Variants in WLS observed in about 807,000 individuals in gnomAD.
The protein encoded by WLS is Wnt ligand secretion mediator, also known as protein wntless homolog.
WLS carries 23 observed loss-of-function variants against 62.8 expected under a neutral mutation model. The ratio of observed to expected loss-of-function variants is 0.37; its 90% CI spans 0.26 to 0.52. WLS has a LOEUF of 0.52. Ranked by LOEUF, WLS falls within the 20% of genes least tolerant of loss-of-function variation. The pLI is 0.92. For synonymous variants in WLS, 246 were observed against 244.1 expected (o/e 1.01, Z -0.07); for missense variants, 615 against 697.3 (o/e 0.88, Z 1.33).
At chr1:68,197,043 T>C (rs551291328) in intron 1 of WLS, among the ~76,000 whole-genome samples, 1 of 152,246 alleles carries the variant, frequency 6.6e-6, no homozygotes, top group Non-Finnish European at 1.5e-5. Context: ...AGTTACTACA[T>C]TTTAAAACTT....
intron 10 of WLS, among the ~76,000 whole-genome samples, chr1:68,143,276 C>G (rs1258016141): frequency 6.6e-6 from 1 of 152,176 alleles, no homozygotes; most frequent in African/African-American, 2.4e-5. Context: ...TGAAATCCTC[C>G]ATTTTGGCTA....
intron 4 of WLS, 72 bp from the exon 5 acceptor site, chr1:68,153,725 T>C (rs537502612): frequency 6.2e-7 from 1 of 1,600,074 alleles, no homozygotes; most frequent in South Asian, 1.1e-5. Context: ...CAAATGCTTT[T>C]GTGGGAGAGG....
At chr1:68,156,091 T>G (rs556856156) in intron 3 of WLS, among the ~76,000 whole-genome samples, 2 of 152,098 alleles carry the variant, frequency 1.3e-5, no homozygotes, top group African/African-American at 4.8e-5. Context: ...TAAATTCTGC[T>G]CCACCTCACC....
At chr1:68,220,743 C>T (rs1649907330) in intron 1 of WLS, among the ~76,000 whole-genome samples, 1 of 152,192 alleles carries the variant, frequency 6.6e-6, no homozygotes, top group Admixed American at 6.5e-5. Flanking sequence ...AAGAAGCCCA[C>T]ATCAAGAGGC....
At position 68,145,949 on chromosome 1, in the gene WLS, C is replaced by T; in HGVS notation, c.1198G>A (p.Val400Ile). The T allele has an allele frequency of 6.2e-7, 1 of 1,614,140 alleles. No individual in the cohort carries two copies. The highest frequency in any genetic ancestry group is 8.5e-7 in the Non-Finnish European group (1 of 1,180,040). Reference protein sequence around the residue: ...CLYFLFLCFMVFQVFRNISGK... With the variant: ...CLYFLFLCFMIFQVFRNISGK... ...CTGATGTTCCGAAACACCTGAAATACCATGAAGCATAGAAACAGGAAGTAG... is the reference window on the plus strand; with the variant it reads ...CTGATGTTCCGAAACACCTGAAATATCATGAAGCATAGAAACAGGAAGTAG... The change falls in exon 9 of 12, where the codon GTA (valine) becomes ATA (isoleucine). Residue 400 changes from valine (V) to isoleucine (I), a missense_variant. Val to Ile is a conservative substitution (Grantham distance 29, BLOSUM62 3). Coordinates refer to ENST00000262348, the MANE Select transcript of WLS (RefSeq NM_024911.7).
intron 2 of WLS, chr1:68,161,811 G>A: frequency 6.2e-7 from 1 of 1,603,344 alleles, no homozygotes; most frequent in East Asian, 2.2e-5. Context: ...GGTTGGGAGA[G>A]GGCGCCTGGG....
chr1:68,186,542 A>G (rs1647951016), intron 2 of WLS: 1 of 448,252 alleles, frequency 2.2e-6, no homozygotes, highest in African/African-American at 2.0e-5. Flanking sequence ...TTCCTTACAT[A>G]TGAAGTAATA....
At chr1:68,124,157 T>A (rs1456550774), downstream of WLS, among the ~76,000 whole-genome samples, 2 of 152,182 alleles carry the variant, frequency 1.3e-5, no homozygotes, top group African/African-American at 4.8e-5. Context: ...TCCAAAATAA[T>A]CCTCTCCTCC....
At chr1:68,180,378 T>C (rs1017710032) in intron 2 of WLS, among the ~76,000 whole-genome samples, 3 of 152,096 alleles carry the variant, frequency 2.0e-5, no homozygotes, top group Admixed American at 6.5e-5. Flanking sequence ...CTTTTCTTTC[T>C]AGTCAAAATA....
intron 3 of WLS, among the ~76,000 whole-genome samples, chr1:68,158,624 T>A (rs549299660): frequency 1.3e-5 from 2 of 151,858 alleles, no homozygotes; most frequent in South Asian, 4.1e-4. Context: ...GAAATTATAA[T>A]GTTTTAAGAA....
At chr1:68,202,706 G>C (rs1177749429) in intron 1 of WLS, 1 of 152,184 alleles carries the variant, frequency 6.6e-6, no homozygotes, top group African/African-American at 2.4e-5. Context: ...AAAGACTGTG[G>C]AATGCAGCCA....
chr1:68,112,459 A>G lies in WLS; in HGVS notation c.1511-13706T>C, dbSNP rs147687913. On this transcript the variant is annotated intron_variant, in intron 11 of 11. Transcript: ENST00000354777. ...TCCAGCCTCCACGGCCTGACATTCA[A>G]TGCTGTGTACACTCCGGTTCCAAGT... Among the ~76,000 whole-genome samples, 404 of 152,282 alleles carry G rather than the reference A, an allele frequency of 2.7e-3. 1 individual carries two copies. The highest frequency in any genetic ancestry group is 0.01 in the Middle Eastern group (3 of 294).
intron 1 of WLS, among the ~76,000 whole-genome samples, chr1:68,213,121 C>T (rs1187744569): frequency 6.6e-6 from 1 of 152,062 alleles, no homozygotes. Flanking sequence ...TTTTTATTTG[C>T]CAAGGGAAAG....
intron 1 of WLS, among the ~76,000 whole-genome samples, chr1:68,222,255 A>C (rs1214436507): frequency 6.6e-6 from 1 of 152,170 alleles, no homozygotes; most frequent in Non-Finnish European, 1.5e-5. Flanking sequence ...ACATTTCCCC[A>C]AGCAGGAGGA....
intron 2 of WLS, chr1:68,161,717 C>T: frequency 7.0e-7 from 1 of 1,434,208 alleles, no homozygotes; most frequent in Admixed American, 1.7e-5. Flanking sequence ...CTCTTGGTCC[C>T]AAATGTATCT....
chr1:68,165,001 C>T (rs1647040208), intron 2 of WLS, among the ~76,000 whole-genome samples: 1 of 152,136 alleles, frequency 6.6e-6, no homozygotes. Context: ...TTAGTAGCCT[C>T]AGTGGTCAAC....
intron 1 of WLS, among the ~76,000 whole-genome samples, chr1:68,220,935 T>C (rs1649915758): frequency 6.6e-6 from 1 of 152,136 alleles, no homozygotes; most frequent in Non-Finnish European, 1.5e-5. Context: ...ATCCCAAACA[T>C]ACTGCTCATC....
chr1:68,135,596 C>T (rs1646597707), intron 11 of WLS, among the ~76,000 whole-genome samples: 1 of 152,156 alleles, frequency 6.6e-6, no homozygotes, highest in African/African-American at 2.4e-5. Flanking sequence ...CTGTAGCACA[C>T]AGTCAGTACT....
intron 1 of WLS, among the ~76,000 whole-genome samples, chr1:68,222,796 C>G (rs1246934233): frequency 6.6e-6 from 1 of 151,724 alleles, no homozygotes; most frequent in Non-Finnish European, 1.5e-5. Context: ...TGTATGGATA[C>G]AATGGATTCA....
Sources: allele counts gnomAD v4.1 joint callset (sites outside exome capture counted in the v4.1 genomes callset), GRCh38; gene constraint gnomAD v4.1.1; transcripts MANE v1.5; gene names NCBI Gene and HGNC (gene_info 2026-07-23, HGNC 2026-07-21).